PTPN13: variants seen among roughly 807,000 people sequenced by gnomAD.
The protein encoded by PTPN13 is tyrosine-protein phosphatase non-receptor type 13.
Under a neutral mutation model 284.0 loss-of-function variants are expected in PTPN13, and 191 were observed. The observed-to-expected ratio is 0.67, with a 90% CI of 0.60 to 0.76. PTPN13 has a LOEUF of 0.76. Among genes scored for constraint, PTPN13 ranks in the 30% least tolerant of loss-of-function variants. The pLI, the probability that PTPN13 is intolerant of heterozygous loss-of-function variation, is 0.00. For synonymous variants in PTPN13, 986 were observed against 1,022.3 expected, an observed-to-expected ratio of 0.96 and a Z score of 0.68; for missense variants, 2,797 against 2,939.9, an observed-to-expected ratio of 0.95 and a Z score of 1.12.
chr4:86,687,908 G>A (rs113983359), intron 4 of PTPN13, among the ~76,000 whole-genome samples: 7,579 of 152,032 alleles, frequency 0.05, 262 homozygotes, highest in African/African-American at 0.072. Context: ...AGGATATTTT[G>A]GAAATATTTA....
intron 42 of PTPN13, among the ~76,000 whole-genome samples, chr4:86,802,179 G>GT (rs1744113347): frequency 6.7e-6 from 1 of 149,940 alleles, no homozygotes; most frequent in Non-Finnish European, 1.5e-5. Context: ...GTGTGTGTGT[G>GT]GTGTGTAAGG....
chr4:86,748,228 A>G (rs1736995961), intron 17 of PTPN13, among the ~76,000 whole-genome samples: 1 of 152,196 alleles, frequency 6.6e-6, no homozygotes, highest in Non-Finnish European at 1.5e-5. Context: ...GCAGAAACAG[A>G]TTAGGAAGTA....
chr4:86,754,431 A>G (rs938157921), intron 20 of PTPN13, among the ~76,000 whole-genome samples: 1 of 152,000 alleles, frequency 6.6e-6, no homozygotes, highest in African/African-American at 2.4e-5. Flanking sequence ...CACTGTTCTA[A>G]GCACTTTTTA....
intron 17 of PTPN13, among the ~76,000 whole-genome samples, chr4:86,745,574 A>C (rs1736651633): frequency 1.3e-5 from 2 of 152,100 alleles, no homozygotes; most frequent in Admixed American, 6.6e-5. Context: ...CAGGAGTTTG[A>C]GAACAGCCTG....
At chr4:86,774,319 T>G in intron 32 of PTPN13, 54 bp from the exon 33 acceptor site, 1 of 1,477,008 alleles carries the variant, frequency 6.8e-7, no homozygotes, top group Non-Finnish European at 9.2e-7. Context: ...ATCTTTCTGT[T>G]TGTCTATAGT....
chr4:86,694,544 C>G (rs1730385555), intron 6 of PTPN13, among the ~76,000 whole-genome samples: 1 of 140,708 alleles, frequency 7.1e-6, no homozygotes, highest in Admixed American at 7.5e-5. Flanking sequence ...CACCACTGTG[C>G]TCCAGCCTGG....
chr4:86,812,289 G>A (rs1023977388), intron 47 of PTPN13, among the ~76,000 whole-genome samples: 1 of 117,802 alleles, frequency 8.5e-6, no homozygotes, highest in Non-Finnish European at 1.6e-5. Flanking sequence ...CAGCCTGGGC[G>A]ACAGAGCGAG....
chr4:86,646,725 G>T (rs924485885), intron 2 of PTPN13, among the ~76,000 whole-genome samples: 1 of 152,222 alleles, frequency 6.6e-6, no homozygotes, highest in African/African-American at 2.4e-5. Context: ...TTACTTAAAA[G>T]AGATGAAACT....
At chr4:86,605,750 T>A (rs1175174512) in intron 1 of PTPN13, among the ~76,000 whole-genome samples, 1 of 151,412 alleles carries the variant, frequency 6.6e-6, no homozygotes. Context: ...TAATTTACAC[T>A]TAGTGATAGT....
In PTPN13 at chr4:86,716,749, A is replaced by T. The variant is rs189746601; in HGVS notation, c.1291+124A>T. On this transcript the variant is annotated intron_variant, in intron 8 of 47. Coordinates refer to ENST00000411767, the MANE Select transcript of PTPN13 (RefSeq NM_080683.3). Reference sequence around the variant, plus strand: ...AATACTGTATAAAATTGAAAAATTTAAAAAAGCTGCTGGTTACTCAGTAGT... The same window carrying T: ...AATACTGTATAAAATTGAAAAATTTTAAAAAGCTGCTGGTTACTCAGTAGT... 1.1e-3 allele frequency: 873 copies of T among 795,984 alleles called. 7 individuals carry two copies. The African/African-American group carries it at 0.013, about 12-fold the overall frequency. The allele number at this position is 795,984 out of a possible 1,614,324, so 49.3% of individuals were successfully genotyped here. A position where few individuals can be genotyped will look rare whatever the true frequency, so the allele number is the denominator to read the frequency against.
chr4:86,766,698 A>AT (rs1311261306), intron 27 of PTPN13, 181 bp downstream of exon 27: 7 of 437,198 alleles, frequency 1.6e-5, no homozygotes, highest in South Asian at 1.0e-4. Flanking sequence ...ATTACAAGAC[A>AT]TTTTTTACTG....
intron 14 of PTPN13, 34 bp downstream of exon 14, chr4:86,734,909 G>A: frequency 6.3e-7 from 1 of 1,594,132 alleles, no homozygotes; most frequent in Non-Finnish European, 8.6e-7. Context: ...GACCATTTTT[G>A]TTTGGTGTTG....
intron 2 of PTPN13, among the ~76,000 whole-genome samples, chr4:86,644,777 G>A (rs1439737351): frequency 6.6e-6 from 1 of 152,148 alleles, no homozygotes; most frequent in Non-Finnish European, 1.5e-5. Flanking sequence ...TCCTAGGAAT[G>A]CAAGATTAGT....
rs28694264 is a variant in PTPN13 at position 86,741,718 on chromosome 4, G to C, written c.2389G>C (p.Val797Leu). Reference protein sequence around the residue: ...KKSQTGILLGVCSKGVLVFEV... With the variant: ...KKSQTGILLGLCSKGVLVFEV... Reference sequence around the variant, plus strand: ...GTCACAAACAGGAATATTGCTTGGAGTCTGTTCTAAAGGTGTCCTTGTGTT... The same window carrying C: ...GTCACAAACAGGAATATTGCTTGGACTCTGTTCTAAAGGTGTCCTTGTGTT... Residue 797 changes from valine to leucine, a missense_variant, in exon 16 of 48, where the codon GTC (valine) becomes CTC (leucine). Transcript: ENST00000411767. The C allele has an allele frequency of 2.5e-6, 4 of 1,613,654 alleles. No individual in the cohort carries two copies. The South Asian group carries it at 4.4e-5, about 18-fold the overall frequency.
intron 32 of PTPN13, 84 bp from the exon 33 acceptor site, chr4:86,774,289 T>C (rs1740349709): frequency 3.0e-6 from 4 of 1,335,030 alleles, no homozygotes; most frequent in Non-Finnish European, 1.0e-6. Context: ...CTTTCTCCTC[T>C]GTTAAGGGAA....
Position 86,722,334 on chromosome 4 carries a change from T to G in PTPN13, c.1508T>G (p.Leu503Arg). Residue 503 changes from leucine to arginine, a missense_variant, in exon 10 of 48, where the codon CTA becomes CGA. Coordinates refer to ENST00000411767, the MANE Select transcript of PTPN13 (RefSeq NM_080683.3). ...GCCCTTAGACAGTCTCGGTTGAGCC[T>G]ATATCCAGGAGACACAATCAAAGCG... ...KMALRQSRLS[L>R]YPGDTIKASM... The G allele has an allele frequency of 6.2e-7, 1 of 1,613,800 alleles. No homozygotes were observed. Among genetic ancestry groups the G allele is most frequent in the East Asian group, 2.2e-5 (1 of 44,854 alleles).
intron 2 of PTPN13, chr4:86,661,030 A>G (rs970898444): frequency 2.4e-6 from 1 of 419,120 alleles, no homozygotes. Context: ...TATTGCAAAC[A>G]GCATTATTCT....
chr4:86,723,190 G>A (rs971141579), intron 10 of PTPN13, among the ~76,000 whole-genome samples: 2 of 152,064 alleles, frequency 1.3e-5, no homozygotes, highest in African/African-American at 4.8e-5. Context: ...TCTTTAGTCA[G>A]TTCCAATTAC....
In PTPN13 at chr4:86,774,472, G is replaced by C. The variant is rs1411231329; in HGVS notation, c.5449G>C (p.Val1817Leu). ...GAGAATTGGTTGTTATGTTCATGAT[G>C]TCATACAGGATCCAGCCAAAAGTGA... ...NQRIGCYVHD[V>L]IQDPAKSDGR... Residue 1817 changes from valine to leucine, a missense_variant, in exon 33 of 48, where the codon GTC becomes CTC. Physicochemically the swap from Val to Leu is conservative, Grantham distance 32. Coordinates refer to ENST00000411767, the MANE Select transcript of PTPN13 (RefSeq NM_080683.3). 1 of 1,605,644 alleles carries C rather than the reference G, an allele frequency of 6.2e-7. No homozygotes were observed. Among genetic ancestry groups the C allele is most frequent in the Non-Finnish European group, 8.5e-7 (1 of 1,175,714 alleles).
Sources: gnomAD v4.1 joint callset for allele counts (sites outside exome capture counted in the v4.1 genomes callset) on GRCh38, gnomAD v4.1.1 for gene constraint, MANE v1.5 for transcripts, NCBI Gene and HGNC (gene_info 2026-07-23, HGNC 2026-07-21) for gene names.